The following DISC1 variants were observed in gnomAD, a reference collection of about 807,000 sequenced individuals.
The protein encoded by DISC1 is disrupted in schizophrenia 1 protein.
DISC1 carries 57 observed loss-of-function variants against 84.5 expected under a neutral mutation model. That is an observed-to-expected ratio of 0.67 (90% CI 0.55 to 0.84). The LOEUF (loss-of-function observed/expected upper bound fraction) is 0.84. Ranked by LOEUF, DISC1 falls within the 40% of genes least tolerant of loss-of-function variation. The probability of loss-of-function intolerance (pLI) is 0.00; values close to 1 mark genes in which losing one functional copy is unlikely to be tolerated. For missense variants in DISC1, 1,000 were observed against 1,057.8 expected, an observed-to-expected ratio of 0.95 and a Z score of 0.76; for synonymous variants, 411 against 415.2, an observed-to-expected ratio of 0.99 and a Z score of 0.12.
chr1:231,961,647 C>T (rs984800987), intron 10 of DISC1, among the ~76,000 whole-genome samples: 1 of 152,080 alleles, frequency 6.6e-6, no homozygotes. Context: ...TTTTTCGTTC[C>T]TACATTAATT....
intron 10 of DISC1, among the ~76,000 whole-genome samples, chr1:231,984,359 G>A (rs1380768245): frequency 6.6e-6 from 1 of 152,160 alleles, no homozygotes; most frequent in African/African-American, 2.4e-5. Context: ...AATATTTTGA[G>A]TATAGTTTGA....
chr1:231,856,033 G>T (rs140884127), intron 9 of DISC1, among the ~76,000 whole-genome samples: 1 of 152,164 alleles, frequency 6.6e-6, no homozygotes, highest in Non-Finnish European at 1.5e-5. Context: ...TTGGCTTGAC[G>T]TGCATATGCC....
chr1:231,959,944 GT>G (rs1312610655), intron 10 of DISC1, among the ~76,000 whole-genome samples: 1 of 152,152 alleles, frequency 6.6e-6, no homozygotes, highest in Non-Finnish European at 1.5e-5. Flanking sequence ...AGCTGCCATT[GT>G]TTTAGCCATC....
rs544461102 is a variant in DISC1 at position 231,816,744 on chromosome 1, A to G, written c.1793-1585A>G. Among the ~76,000 whole-genome samples the G allele has an allele frequency of 1.2e-4, 19 of 152,240 alleles. No individual in the cohort carries two copies. In the East Asian group the frequency reaches 3.1e-3, roughly 25 times the overall value. ...AATCCACTCCTGGACTGTTTATTCT[A>G]TTCCATCGATCTGTTTGTCTATGTA... On this transcript the variant is annotated intron_variant, in intron 8 of 12. Transcript: ENST00000439617.
intron 1 of DISC1, among the ~76,000 whole-genome samples, chr1:231,650,986 G>A (rs116703206): frequency 0.013 from 1,920 of 152,188 alleles, 17 homozygotes; most frequent in African/African-American, 0.02. Flanking sequence ...AAGGGTTTTA[G>A]CTTCCTAGCA....
At chr1:231,728,375 C>T (rs1330306744) in intron 3 of DISC1, among the ~76,000 whole-genome samples, 2 of 152,180 alleles carry the variant, frequency 1.3e-5, no homozygotes, top group African/African-American at 2.4e-5. Context: ...GGGAGGCAGC[C>T]GCCAACAAGG....
intron 9 of DISC1, among the ~76,000 whole-genome samples, chr1:231,853,582 G>T (rs1411805652): frequency 1.3e-5 from 2 of 152,224 alleles, no homozygotes; most frequent in Non-Finnish European, 2.9e-5. Flanking sequence ...TGGTTAAGTG[G>T]TACATGACTG....
At chr1:231,757,179 A>C (rs2075227887) in intron 4 of DISC1, among the ~76,000 whole-genome samples, 1 of 152,220 alleles carries the variant, frequency 6.6e-6, no homozygotes, top group African/African-American at 2.4e-5. Flanking sequence ...TTTTGGGATC[A>C]AGTATTTATT....
chr1:231,876,144 G>T (rs1357311450), intron 9 of DISC1, among the ~76,000 whole-genome samples: 1 of 152,138 alleles, frequency 6.6e-6, no homozygotes. Flanking sequence ...TAGGGACCTG[G>T]GGGGAAGTGG....
chr1:232,017,480 C>CTTTTTTTT (rs56672398), intron 11 of DISC1, among the ~76,000 whole-genome samples: 2 of 132,820 alleles, frequency 1.5e-5, no homozygotes, highest in Non-Finnish European at 1.6e-5. Flanking sequence ...AACACCTGTC[C>CTTTTTTTT]TTTTTTTTTT....
At chr1:231,749,142 A>T (rs956576131) in intron 3 of DISC1, among the ~76,000 whole-genome samples, 1 of 152,146 alleles carries the variant, frequency 6.6e-6, no homozygotes, top group African/African-American at 2.4e-5. Context: ...TCACAGTTGC[A>T]TCTTCACTCC....
chr1:231,957,410 T>G (rs1239546936), intron 9 of DISC1, among the ~76,000 whole-genome samples: 1 of 152,198 alleles, frequency 6.6e-6, no homozygotes, highest in African/African-American at 2.4e-5. Context: ...ATTACCACCT[T>G]CTAATGTTTT....
At chr1:231,711,313 T>A (rs940002172) in intron 3 of DISC1, among the ~76,000 whole-genome samples, 3 of 151,056 alleles carry the variant, frequency 2.0e-5, no homozygotes, top group Non-Finnish European at 4.4e-5. Flanking sequence ...TAGAATTGAT[T>A]TTTTTTTTAG....
chr1:231,861,629 G>A (rs1366777264), intron 9 of DISC1, among the ~76,000 whole-genome samples: 1 of 151,930 alleles, frequency 6.6e-6, no homozygotes, highest in Non-Finnish European at 1.5e-5. Flanking sequence ...CTTTTAACTT[G>A]CTTTATGTTT....
intron 3 of DISC1, among the ~76,000 whole-genome samples, chr1:231,712,436 CAG>C (rs1487792470): frequency 6.6e-6 from 1 of 152,136 alleles, no homozygotes; most frequent in African/African-American, 2.4e-5. Context: ...AAAAAACAAA[CAG>C]AAACCATTAG....
At chr1:231,760,607 G>C (rs905240050) in intron 4 of DISC1, among the ~76,000 whole-genome samples, 11 of 152,150 alleles carry the variant, frequency 7.2e-5, no homozygotes, top group Non-Finnish European at 1.5e-5. Flanking sequence ...TCCAGCAGTG[G>C]CACAAAGCAA....
intron 2 of DISC1, among the ~76,000 whole-genome samples, chr1:231,701,235 A>G (rs1440619697): frequency 6.6e-6 from 1 of 152,202 alleles, no homozygotes; most frequent in Non-Finnish European, 1.5e-5. Context: ...CATATTCATT[A>G]TCATGAGAAC....
chr1:232,003,828 T>G (rs1242755783), intron 10 of DISC1, among the ~76,000 whole-genome samples: 1 of 151,962 alleles, frequency 6.6e-6, no homozygotes, highest in Non-Finnish European at 1.5e-5. Flanking sequence ...ATACAGCCCT[T>G]GAATTAACAA....
In DISC1 at chr1:232,038,714, G is replaced by A. The variant is rs1396642190; in HGVS notation, c.*1883G>A. 6.6e-6 allele frequency: 1 copy of A among 152,180 alleles called. No homozygotes were observed. The allele number at this position is 152,180 out of a possible 1,614,324, so 9.4% of individuals were successfully genotyped here. A position where few individuals can be genotyped will look rare whatever the true frequency, so the allele number is the denominator to read the frequency against. ...CACTCACACTTTTGCAGAGTGTTGA[G>A]CTTAATAACTACCTGCCACAGATTG... On this transcript the variant is annotated 3_prime_UTR_variant, in exon 13 of 13. Transcript: ENST00000439617.
Sources: gnomAD v4.1 joint callset for allele counts (sites outside exome capture counted in the v4.1 genomes callset) on GRCh38, gnomAD v4.1.1 for gene constraint, MANE v1.5 for transcripts, NCBI Gene and HGNC (gene_info 2026-07-23, HGNC 2026-07-21) for gene names.